The following CYP19A1 variants were observed in gnomAD, a reference collection of about 807,000 sequenced individuals.
CYP19A1 encodes the protein aromatase.
CYP19A1 carries 32 observed loss-of-function variants against 44.4 expected under a neutral mutation model. The ratio of observed to expected loss-of-function variants is 0.72; its 90% CI spans 0.54 to 0.97. The LOEUF is 0.97. Ranked by LOEUF, CYP19A1 falls within the 50% of genes least tolerant of loss-of-function variation. The pLI, the probability that CYP19A1 is intolerant of heterozygous loss-of-function variation, is 0.00. For synonymous variants in CYP19A1, 212 were observed against 215.6 expected, an observed-to-expected ratio of 0.98 and a Z score of 0.14; for missense variants, 598 against 637.8, an observed-to-expected ratio of 0.94 and a Z score of 0.67.
chr15:51,269,437 A>T (rs949581932), intron 1 of CYP19A1, among the ~76,000 whole-genome samples: 6 of 152,174 alleles, frequency 3.9e-5, no homozygotes, highest in African/African-American at 1.4e-4. Context: ...TAGGTCTTGA[A>T]ATATAAAAGC....
At chr15:51,286,397 A>G (rs7167343) in intron 1 of CYP19A1, among the ~76,000 whole-genome samples, 22,116 of 152,074 alleles carry the variant, frequency 0.15, 2,987 homozygotes, top group African/African-American at 0.35. Flanking sequence ...CACTCAATTA[A>G]ATTTCTGTCT....
intron 3 of CYP19A1, among the ~76,000 whole-genome samples, chr15:51,235,268 C>T (rs1321084305): frequency 6.6e-6 from 1 of 152,180 alleles, no homozygotes; most frequent in East Asian, 1.9e-4. Flanking sequence ...CAGTGGTTCT[C>T]AAACTCAAGT....
chr15:51,229,722 C>T (rs1052710547), intron 3 of CYP19A1, among the ~76,000 whole-genome samples: 17 of 151,772 alleles, frequency 1.1e-4, no homozygotes, highest in African/African-American at 3.9e-4. Flanking sequence ...ACTTACCTTC[C>T]CCTCCATCAT....
At chr15:51,247,037 A>G (rs187884189) in intron 1 of CYP19A1, among the ~76,000 whole-genome samples, 100 of 152,040 alleles carry the variant, frequency 6.6e-4, no homozygotes, top group African/African-American at 2.2e-3. Context: ...TTCCCTGTCT[A>G]TGTTTGTTCT....
intron 1 of CYP19A1, among the ~76,000 whole-genome samples, chr15:51,308,448 T>G (rs555281543): frequency 6.6e-6 from 1 of 152,164 alleles, no homozygotes; most frequent in Admixed American, 6.5e-5. Flanking sequence ...AAGAGGGGAA[T>G]AAGCACTTGA....
chr15:51,251,424 A>G (rs1017087644), intron 1 of CYP19A1, among the ~76,000 whole-genome samples: 1 of 152,082 alleles, frequency 6.6e-6, no homozygotes, highest in African/African-American at 2.4e-5. Context: ...CCTGGATATG[A>G]TAAGTTCTTG....
intron 5 of CYP19A1, among the ~76,000 whole-genome samples, chr15:51,219,779 C>A (rs2031909398): frequency 6.6e-6 from 1 of 152,206 alleles, no homozygotes; most frequent in Non-Finnish European, 1.5e-5. Context: ...TTATATGATC[C>A]TTCCTAATGA....
intron 9 of CYP19A1, among the ~76,000 whole-genome samples, chr15:51,211,883 C>T (rs1390422608): frequency 6.6e-6 from 1 of 152,158 alleles, no homozygotes; most frequent in African/African-American, 2.4e-5. Context: ...GAGCCAAAGG[C>T]ACTTTGCAAA....
At chr15:51,257,416 G>C (rs535360564) in intron 1 of CYP19A1, among the ~76,000 whole-genome samples, 1 of 152,300 alleles carries the variant, frequency 6.6e-6, no homozygotes, top group South Asian at 2.1e-4. Context: ...GAAGGTGAAG[G>C]GTAGTGATTC....
intron 1 of CYP19A1, among the ~76,000 whole-genome samples, chr15:51,301,566 C>A (rs866140463): frequency 1.3e-5 from 2 of 152,202 alleles, no homozygotes; most frequent in Non-Finnish European, 2.9e-5. Context: ...TTTGGGCTGA[C>A]CCCCCGCGTG....
At chr15:51,336,522 G>C (rs561793481) in intron 1 of CYP19A1, among the ~76,000 whole-genome samples, 10 of 152,136 alleles carry the variant, frequency 6.6e-5, no homozygotes, top group Non-Finnish European at 1.2e-4. Context: ...GTGGAAGGGT[G>C]GTGGGGCAGT....
chr15:51,257,712 T>C (rs72556532), intron 1 of CYP19A1, among the ~76,000 whole-genome samples: 103 of 152,266 alleles, frequency 6.8e-4, no homozygotes, highest in Non-Finnish European at 1.4e-3. Context: ...AAATGTTATT[T>C]CAAAGTGCTG....
Position 51,210,862 on chromosome 15 carries a change from GTT to G in CYP19A1, c.1456_1457del (p.Asn486HisfsTer33). The G allele has an allele frequency of 6.3e-7, 1 of 1,592,702 alleles. No individual in the cohort carries two copies. Among genetic ancestry groups the G allele is most frequent in the Non-Finnish European group, 8.6e-7 (1 of 1,160,506 alleles). On this transcript the variant is annotated frameshift_variant, in exon 10 of 10. Coordinates refer to ENST00000396402, the MANE Select transcript of CYP19A1 (RefSeq NM_000103.4). LOFTEE classifies it high-confidence loss of function. ...DLSLHPDETK[N>X]MLEMIFTPRN... is the part of the protein sequence containing the mutation. Reference sequence around the variant, plus strand: ...TTGGGGTAAAGATCATTTCCAGCATGTTTTTAGTCTCATCTGGGTGCAAGGAC... The same window carrying G: ...TTGGGGTAAAGATCATTTCCAGCATGTTTAGTCTCATCTGGGTGCAAGGAC...
chr15:51,277,886 GACCA>G (rs2035372130), intron 1 of CYP19A1: 1 of 147,404 alleles, frequency 6.8e-6, no homozygotes, highest in Non-Finnish European at 1.5e-5. Flanking sequence ...AGTTAGTCAA[GACCA>G]ACTAATAAGA....
chr15:51,240,011 G>C (rs181772710), intron 2 of CYP19A1, among the ~76,000 whole-genome samples: 1 of 152,154 alleles, frequency 6.6e-6, no homozygotes, highest in Non-Finnish European at 1.5e-5. Context: ...ACCCAGATCA[G>C]TGGTCTGGGA....
intron 1 of CYP19A1, among the ~76,000 whole-genome samples, chr15:51,314,446 G>A (rs2036383749): frequency 6.6e-6 from 1 of 152,102 alleles, no homozygotes; most frequent in Admixed American, 6.5e-5. Flanking sequence ...GTGGCCCGGG[G>A]GTCCATGAAA....
chr15:51,268,526 C>T (rs993820397), intron 1 of CYP19A1, among the ~76,000 whole-genome samples: 1 of 140,458 alleles, frequency 7.1e-6, no homozygotes, highest in South Asian at 2.5e-4. Context: ...CCTTCCCCCC[C>T]CCCCTTTTTT....
chr15:51,300,005 G>A (rs2036079552), intron 1 of CYP19A1, among the ~76,000 whole-genome samples: 1 of 152,230 alleles, frequency 6.6e-6, no homozygotes, highest in Admixed American at 6.5e-5. Context: ...TTGAAAGCAA[G>A]AGAATGCACA....
chr15:51,243,035 A>G, intron 1 of CYP19A1, 85 bp from the exon 2 acceptor site: 1 of 776,682 alleles, frequency 1.3e-6, no homozygotes. Context: ...GGTGCTGTAC[A>G]GTACAGATTC....
Sources: allele counts gnomAD v4.1 joint callset (sites outside exome capture counted in the v4.1 genomes callset), GRCh38; gene constraint gnomAD v4.1.1; transcripts MANE v1.5; gene names NCBI Gene and HGNC (gene_info 2026-07-23, HGNC 2026-07-21).